Variants in RGPD1 observed in about 807,000 individuals in gnomAD.
The protein encoded by RGPD1 is RANBP2 like and GRIP domain containing 1, also known as RANBP2-like and GRIP domain-containing protein 1.
Under a neutral mutation model 40.6 loss-of-function variants are expected in RGPD1, and 7 were observed. That is an observed-to-expected ratio of 0.17 (90% CI 0.10 to 0.32). The LOEUF is 0.32. Among genes scored for constraint, RGPD1 ranks in the 10% least tolerant of loss-of-function variants. The probability of loss-of-function intolerance (pLI) is 1.00; values close to 1 mark genes in which losing one functional copy is unlikely to be tolerated. For synonymous variants in RGPD1, 24 were observed against 167.0 expected, an observed-to-expected ratio of 0.14 and a Z score of 6.60; for missense variants, 50 against 472.5, an observed-to-expected ratio of 0.11 and a Z score of 8.29.
chr2:86,919,401 C>T (rs930328440), intron 1 of RGPD1, among the ~76,000 whole-genome samples: 5 of 147,542 alleles, frequency 3.4e-5, no homozygotes, highest in East Asian at 1.9e-4. Context: ...AGGTAGCGTT[C>T]GTCACGCCTC....
At chr2:86,936,784 C>A (rs1008764645) in intron 1 of RGPD1, among the ~76,000 whole-genome samples, 3 of 129,022 alleles carry the variant, frequency 2.3e-5, no homozygotes, top group African/African-American at 9.9e-5. Flanking sequence ...CTGTGCTTGG[C>A]CAGTTCTAGG....
intron 1 of RGPD1, among the ~76,000 whole-genome samples, chr2:86,934,205 C>CA (rs1252928201): frequency 1.4e-5 from 2 of 138,416 alleles, no homozygotes; most frequent in Non-Finnish European, 3.2e-5. Flanking sequence ...ACTAAAAATA[C>CA]AAAAATTAGC....
At chr2:86,949,332 A>G (rs1371317768) in intron 1 of RGPD1, among the ~76,000 whole-genome samples, 1 of 152,302 alleles carries the variant, frequency 6.6e-6, no homozygotes, top group Non-Finnish European at 1.5e-5. Context: ...AAGAGCAAGA[A>G]TAGCGATGCT....
At chr2:86,938,581 C>G (rs920480536), upstream of RGPD1, among the ~76,000 whole-genome samples, 1 of 146,426 alleles carries the variant, frequency 6.8e-6, no homozygotes, top group African/African-American at 2.5e-5. Flanking sequence ...CATATTCAGA[C>G]AAAGCAAGAC....
intron 1 of RGPD1, among the ~76,000 whole-genome samples, chr2:86,942,955 T>G (rs1012379328): frequency 6.6e-6 from 1 of 151,906 alleles, no homozygotes; most frequent in Non-Finnish European, 1.5e-5. Flanking sequence ...TCTGGCCCCA[T>G]AGTACCCGCG....
At chr2:86,923,472 A>G (rs1203060801) in intron 1 of RGPD1, among the ~76,000 whole-genome samples, 4 of 151,480 alleles carry the variant, frequency 2.6e-5, no homozygotes, top group Admixed American at 6.6e-5. Context: ...CTACACTCCT[A>G]TATAGACACA....
intron 22 of RGPD1, among the ~76,000 whole-genome samples, chr2:87,008,918 T>C (rs1389115076): frequency 8.8e-6 from 1 of 114,184 alleles, no homozygotes; most frequent in Non-Finnish European, 1.8e-5. Flanking sequence ...GAGAAAAGAA[T>C]GAAAAAGAAA....
At chr2:86,945,247 TCCC>T (rs905949813) in intron 1 of RGPD1, among the ~76,000 whole-genome samples, 2 of 151,786 alleles carry the variant, frequency 1.3e-5, no homozygotes, top group Non-Finnish European at 2.9e-5. Context: ...CTTTTTTTTT[TCCC>T]CCAAATTTAA....
chr2:87,000,539 CT>C (rs1488908331), intron 22 of RGPD1, among the ~76,000 whole-genome samples: 1 of 95,352 alleles, frequency 1.0e-5, no homozygotes, highest in Non-Finnish European at 2.1e-5. Context: ...TTAGTTTGCC[CT>C]TTAAAGATTA....
chr2:86,914,266 CGGCCTT>C (rs1178702049), intron 1 of RGPD1, among the ~76,000 whole-genome samples: 2 of 30,524 alleles, frequency 6.6e-5, no homozygotes, highest in Non-Finnish European at 7.1e-5. Context: ...GCCTCGGCCT[CGGCCTT>C]GGCCTCGGCC....
rs1335746219 is a variant in RGPD1, at chr2:86,947,942, AAGAG to A, written c.73-3348_73-3345del. ...CGAGACTCCGTTTGAATTAAAAAAA[AAGAG>A]AGAGAAATTTAGAACTGCATAATGA... is the stretch of plus-strand genomic sequence containing the variant. On this transcript the variant is annotated intron_variant, in intron 1 of 22. Transcript: ENST00000641458. 8.4e-4 allele frequency among the ~76,000 whole-genome samples: 81 copies of A among 95,964 alleles called. 3 individuals carry two copies. In the South Asian group the frequency reaches 0.015, roughly 17 times the overall value. 63.0% of individuals were successfully genotyped at this position (95,964 alleles called of 152,430 possible). A position where few individuals can be genotyped will look rare whatever the true frequency, so the allele number is the denominator to read the frequency against.
At chr2:86,915,151 C>A (rs1311445437) in intron 1 of RGPD1, among the ~76,000 whole-genome samples, 1 of 149,852 alleles carries the variant, frequency 6.7e-6, no homozygotes, top group Admixed American at 6.6e-5. Flanking sequence ...CAAAAATCAG[C>A]GGGGTGTGGT....
upstream of RGPD1, among the ~76,000 whole-genome samples, chr2:86,937,321 G>A (rs1573596041): frequency 6.6e-6 from 1 of 151,752 alleles, no homozygotes; most frequent in African/African-American, 2.4e-5. Flanking sequence ...CTGACCAGGA[G>A]GTCAGATCTC....
At chr2:86,929,995 G>A (rs1414312585) in intron 1 of RGPD1, among the ~76,000 whole-genome samples, 2 of 143,988 alleles carry the variant, frequency 1.4e-5, no homozygotes, top group Non-Finnish European at 3.1e-5. Context: ...AGAATCTGGG[G>A]GCAGTGCACA....
At chr2:86,930,746 C>T (rs1678889418) in intron 1 of RGPD1, 3 of 1,453,710 alleles carry the variant, frequency 2.1e-6, no homozygotes, top group African/African-American at 3.1e-5. Flanking sequence ...CGCTGCTGGC[C>T]CGAGCCATAC....
intron 1 of RGPD1, among the ~76,000 whole-genome samples, chr2:86,924,545 A>C (rs556007089): frequency 2.0e-5 from 3 of 150,414 alleles, no homozygotes; most frequent in Admixed American, 2.0e-4. Flanking sequence ...AGTTGGCTGT[A>C]ATCTCGAACT....
At chr2:86,933,314 A>G (rs1679111298) in intron 1 of RGPD1, among the ~76,000 whole-genome samples, 2 of 150,298 alleles carry the variant, frequency 1.3e-5, no homozygotes, top group African/African-American at 4.9e-5. Context: ...AGTCTCAGAA[A>G]AAAAAGGAAG....
chr2:86,914,236 GGGCGGC>G (rs1243374849), intron 1 of RGPD1, among the ~76,000 whole-genome samples: 5 of 82,312 alleles, frequency 6.1e-5, no homozygotes, highest in African/African-American at 1.6e-4. Context: ...CGGCCTGGCC[GGGCGGC>G]GGCGGCGGCG....
chr2:86,914,497 C>G (rs1201977468), intron 1 of RGPD1, among the ~76,000 whole-genome samples: 2 of 8,416 alleles, frequency 2.4e-4, no homozygotes, highest in African/African-American at 2.2e-3. Flanking sequence ...CCTGGCCGGG[C>G]TGCGGCGGCG....
Sources: gnomAD v4.1 joint callset for allele counts (sites outside exome capture counted in the v4.1 genomes callset) on GRCh38, gnomAD v4.1.1 for gene constraint, MANE v1.5 for transcripts, NCBI Gene and HGNC (gene_info 2026-07-23, HGNC 2026-07-21) for gene names.